The following CHMP2A variants were observed in gnomAD, a reference collection of about 807,000 sequenced individuals.
The protein encoded by CHMP2A is charged multivesicular body protein 2A, also known as VPS2 homolog A.
CHMP2A carries 6 observed loss-of-function variants against 21.8 expected under a neutral mutation model. The observed-to-expected ratio is 0.28, with a 90% confidence interval of 0.15 to 0.54. CHMP2A has a LOEUF of 0.54. Ranked by LOEUF, CHMP2A falls within the 20% of genes least tolerant of loss-of-function variation. CHMP2A has a pLI of 0.95. For missense variants in CHMP2A, 303 were observed against 293.9 expected (o/e 1.03, Z -0.23); for synonymous variants, 125 against 107.0 (o/e 1.17, Z -1.04).
chr19:58,552,174 G>T lies in CHMP2A; in HGVS notation c.360C>A (p.Pro120=), dbSNP rs140029592. ...ACTCCATCATGATCTTCTGGATCTG[G>T]GGCAACTTCAGCTGGAAGTGACAGG... ...MGTMNRQLKL[P]QIQKIMMEFE... Residue 120 remains proline, a synonymous_variant, in exon 4 of 6, where the codon CCC becomes CCA. Transcript: ENST00000312547. 6.2e-7 allele frequency: 1 copy of T among 1,614,138 alleles called. No homozygotes were observed. The highest frequency in any genetic ancestry group is 2.2e-5 in the East Asian group (1 of 44,890).
intron 2 of CHMP2A, 26 bp from the exon 3 acceptor site, chr19:58,552,464 GAC>G: frequency 6.2e-7 from 1 of 1,603,610 alleles, no homozygotes; most frequent in Non-Finnish European, 8.5e-7. Context: ...GGGTATCAAG[GAC>G]ACAGGAATGA....
chr19:58,552,949 C>T (rs2053849975), intron 2 of CHMP2A, among the ~76,000 whole-genome samples: 1 of 152,216 alleles, frequency 6.6e-6, no homozygotes, highest in African/African-American at 2.4e-5. Context: ...CCTACCTGTT[C>T]AGGCCAAAAC....
chr19:58,551,567 A>AGTGTC lies in CHMP2A; in HGVS notation c.*77_*81dup. On this transcript the variant is annotated 3_prime_UTR_variant, in exon 6 of 6. Coordinates refer to ENST00000312547, the MANE Select transcript of CHMP2A (RefSeq NM_014453.4). Reference sequence around the variant, plus strand: ...CAAAAGTCACATGGGCCTGGAGACTAGTGTCAAATCTCTTTTATTACAGAG... The same window carrying AGTGTC: ...CAAAAGTCACATGGGCCTGGAGACTAGTGTCGTGTCAAATCTCTTTTATTACAGAG... 2 of 1,478,222 alleles carry AGTGTC rather than the reference A, an allele frequency of 1.4e-6. No individual in the cohort carries two copies. The highest frequency in any genetic ancestry group is 2.5e-5 in the South Asian group (2 of 81,344). 91.6% of individuals were successfully genotyped at this position (1,478,222 alleles called of 1,614,324 possible). A position where few individuals can be genotyped will look rare whatever the true frequency, so the allele number is the denominator to read the frequency against.
rs1177260866 is a variant in CHMP2A, at chr19:58,552,111, C to T, written c.423G>A (p.Glu141=). 7 of 1,614,176 alleles carry T rather than the reference C, an allele frequency of 4.3e-6. No homozygotes were observed. Among genetic ancestry groups the T allele is most frequent in the Admixed American group, 3.3e-5 (2 of 60,030 alleles). The change falls in exon 4 of 6, where the codon GAG becomes GAA. Residue 141 remains glutamate (E), a synonymous_variant. Coordinates refer to ENST00000312547, the MANE Select transcript of CHMP2A (RefSeq NM_014453.4). Reference sequence around the variant, plus strand: ...CATCATCAATGGCATCATTCATCATCTCCTCCTTCATATCCATGATCTCTG... The same window carrying T: ...CATCATCAATGGCATCATTCATCATTTCCTCCTTCATATCCATGATCTCTG... The part of the protein sequence containing the change: ...RQAEIMDMKE[E]MMNDAIDDAM...
intron 2 of CHMP2A, chr19:58,553,737 C>A (rs1568667660): frequency 5.3e-6 from 2 of 378,722 alleles, no homozygotes; most frequent in Non-Finnish European, 9.8e-6. Flanking sequence ...TTGTCTGGTC[C>A]ATGCCCAACT....
intron 2 of CHMP2A, among the ~76,000 whole-genome samples, chr19:58,552,921 G>A (rs1427327278): frequency 6.6e-6 from 1 of 152,158 alleles, no homozygotes; most frequent in Non-Finnish European, 1.5e-5. Flanking sequence ...CCCATCCCAA[G>A]AAATGGTATC....
At chr19:58,553,701 C>T (rs143386374) in intron 2 of CHMP2A, 12 of 326,918 alleles carry the variant, frequency 3.7e-5, no homozygotes, top group Non-Finnish European at 5.8e-5. Context: ...TCCAACTTAG[C>T]TCCCACTTTG....
intron 2 of CHMP2A, chr19:58,553,832 A>C (rs1019276104): frequency 3.2e-5 from 20 of 617,326 alleles, no homozygotes; most frequent in Admixed American, 8.8e-5. Flanking sequence ...TTCCCTGCCC[A>C]GATCTGTAGG....
rs1568665125 is a variant in CHMP2A, at chr19:58,551,714, C to A, written c.604G>T (p.Ala202Ser). 5.0e-6 allele frequency: 8 copies of A among 1,614,148 alleles called. No homozygotes were observed. Among genetic ancestry groups the A allele is most frequent in the Admixed American group, 1.7e-5 (1 of 60,024 alleles). ...GCATCAGCATCAGCTAGGGCTGAGG[C>A]TGCGGCCTCTGCTTTTTTCCCACCA... Reference protein sequence around the residue: ...AAGGKKAEAAASALADADADL... With the variant: ...AAGGKKAEAASSALADADADL... The change falls in exon 6 of 6, where the codon GCC becomes TCC. Residue 202 changes from alanine (A) to serine (S), a missense_variant. Transcript: ENST00000312547.
chr19:58,553,636 G>C (rs1210464893), intron 2 of CHMP2A: 1 of 251,276 alleles, frequency 4.0e-6, no homozygotes, highest in Non-Finnish European at 7.8e-6. Flanking sequence ...GCCTCCCAAA[G>C]TGCTGGGATT....
chr19:58,553,891 C>T (rs989711564), intron 2 of CHMP2A, 154 bp downstream of exon 2: 25 of 911,954 alleles, frequency 2.7e-5, no homozygotes, highest in Non-Finnish European at 4.2e-5. Flanking sequence ...TCCTTGGAGG[C>T]AGCCTTCCAG....
At chr19:58,553,371 G>GTTTTT (rs373068837) in intron 2 of CHMP2A, among the ~76,000 whole-genome samples, 1 of 120,002 alleles carries the variant, frequency 8.3e-6, no homozygotes, top group African/African-American at 3.3e-5. Context: ...TAGTTAACTG[G>GTTTTT]TTTTTTTTTT....
At position 58,552,839 on chromosome 19, in the gene CHMP2A, C is replaced by T. The variant is rs972272765; in HGVS notation, c.169-401G>A. On this transcript the variant is annotated intron_variant, in intron 2 of 5. Transcript: ENST00000312547. ...CTTCACCTGATACAAACCCATACCT[C>T]GAACTATCCAGAATCACATACAGAC... Among the ~76,000 whole-genome samples, 24 of 152,196 alleles carry T rather than the reference C, an allele frequency of 1.6e-4. No homozygotes were observed. The East Asian group carries it at 1.7e-3, about 11-fold the overall frequency.
At position 58,554,064 on chromosome 19, in the gene CHMP2A, A is replaced by G; in HGVS notation, c.149T>C (p.Met50Thr). The change falls in exon 2 of 6, where the codon ATG becomes ACG. Residue 50 changes from methionine to threonine, a missense_variant. Transcript: ENST00000312547. The stretch of plus-strand genomic sequence containing the variant: ...ACTCACCATCTGGCCTTGCTTGGCC[A>G]TCTTCTTAATGTCTGCAATGATTTT... ...EKKIIADIKK[M>T]AKQGQMDAVR... The G allele has an allele frequency of 5.6e-6, 9 of 1,613,992 alleles. No homozygotes were observed. The highest frequency in any genetic ancestry group is 7.6e-6 in the Non-Finnish European group (9 of 1,180,026).
rs2053877853 is a variant in CHMP2A at position 58,555,054 on chromosome 19, CCCA to C, written c.-94_-92del. The C allele has an allele frequency of 2.0e-5, 3 of 152,484 alleles. No homozygotes were observed. 9.4% of individuals were successfully genotyped at this position (152,484 alleles called of 1,614,324 possible). On this transcript the variant is annotated 5_prime_UTR_variant, in exon 1 of 6. Coordinates refer to ENST00000312547, the MANE Select transcript of CHMP2A (RefSeq NM_014453.4). ...TTCTCTTTCTGGGATCCCCGACTTG[CCCA>C]CCAACTAAGGCCCCTCGGTCCTGTC... is the stretch of plus-strand genomic sequence containing the variant.
Position 58,554,307 on chromosome 19 carries a change from A to G in CHMP2A, c.-24-71T>C, listed in dbSNP as rs901416699. 5 of 1,430,470 alleles carry G rather than the reference A, an allele frequency of 3.5e-6. No homozygotes were observed. The African/African-American group carries it at 7.2e-5, about 20-fold the overall frequency. The allele number at this position is 1,430,470 out of a possible 1,614,324, so 88.6% of individuals were successfully genotyped here. On this transcript the variant is annotated intron_variant, in intron 1 of 5. Transcript: ENST00000312547. ...GGAGGGCAAGAAGCAGAACAGGGTC[A>G]CGGGAGCCTTGCCAAATGGGAAGGG...
In CHMP2A at chr19:58,551,896, G is replaced by C. The variant is rs1337890575; in HGVS notation, c.541+10C>G. 2 of 1,614,102 alleles carry C rather than the reference G, an allele frequency of 1.2e-6. No homozygotes were observed. The highest frequency in any genetic ancestry group is 1.1e-5 in the South Asian group (1 of 91,068). On this transcript the variant is annotated intron_variant, in intron 5 of 5. Coordinates refer to ENST00000312547, the MANE Select transcript of CHMP2A (RefSeq NM_014453.4). ...GGTGGGAAATGGGGTCCAGGATTTG[G>C]AGCACTCACTCGACAGCTCATCTGT...
Position 58,554,165 on chromosome 19 carries a change from C to T in CHMP2A, c.48G>A (p.Arg16=). ...CACGGTTCAGGGCCCTCTGGTTCTG[C>T]CGCAGTAGCTCCTCTGGCGTCTTCC... is the stretch of plus-strand genomic sequence containing the variant. ...GRRKTPEELL[R]QNQRALNRAM... The change falls in exon 2 of 6, where the codon CGG becomes CGA. Residue 16 remains arginine (R), a synonymous_variant. Transcript: ENST00000312547. 1 of 1,614,072 alleles carries T rather than the reference C, an allele frequency of 6.2e-7. No individual in the cohort carries two copies. Among genetic ancestry groups the T allele is most frequent in the Non-Finnish European group, 8.5e-7 (1 of 1,180,006 alleles).
Position 58,551,794 on chromosome 19 carries a change from G to T in CHMP2A, c.542-18C>A, listed in dbSNP as rs377043083. On this transcript the variant is annotated intron_variant, in intron 5 of 5. Transcript: ENST00000312547. ...GGGGAGGTCTGCAGAGAAAGTGGGGGTTTGAGCAGGTGGGGTCAGGCAGCG... is the reference window on the plus strand; with the variant it reads ...GGGGAGGTCTGCAGAGAAAGTGGGGTTTTGAGCAGGTGGGGTCAGGCAGCG... 3 of 1,614,138 alleles carry T rather than the reference G, an allele frequency of 1.9e-6. No individual in the cohort carries two copies. In the East Asian group the frequency reaches 6.7e-5, roughly 36 times the overall value.
Sources: gnomAD v4.1 joint callset for allele counts (sites outside exome capture counted in the v4.1 genomes callset) on GRCh38, gnomAD v4.1.1 for gene constraint, MANE v1.5 for transcripts, NCBI Gene and HGNC (gene_info 2026-07-23, HGNC 2026-07-21) for gene names.